RYR2: variants seen among roughly 807,000 people sequenced by gnomAD.
The protein encoded by RYR2 is cardiac muscle ryanodine receptor-calcium release channel.
RYR2 carries 227 observed loss-of-function variants against 601.1 expected under a neutral mutation model. That is an observed-to-expected ratio of 0.38 (90% confidence interval 0.34 to 0.42). The LOEUF (loss-of-function observed/expected upper bound fraction) is 0.42. RYR2 is among the 10% of genes least tolerant of loss of function. The pLI is 1.00. For missense variants in RYR2, 4,646 were observed against 6,156.5 expected (o/e 0.75, Z 8.21); for synonymous variants, 2,223 against 2,175.1 (o/e 1.02, Z -0.61).
intron 3 of RYR2, among the ~76,000 whole-genome samples, chr1:237,338,122 T>C (rs2543037): frequency 1.3e-5 from 2 of 151,912 alleles, no homozygotes; most frequent in Admixed American, 1.3e-4. Context: ...ATGGTTCCGG[T>C]GTGCCATTAT....
intron 17 of RYR2, among the ~76,000 whole-genome samples, chr1:237,473,820 A>T (rs1358487356): frequency 6.6e-6 from 1 of 152,120 alleles, no homozygotes; most frequent in Non-Finnish European, 1.5e-5. Flanking sequence ...GTAGGACTCA[A>T]CCGACGGAGA....
At chr1:237,445,298 TTCTA>T in intron 13 of RYR2, 99 bp from the exon 14 acceptor site, 1 of 1,447,308 alleles carries the variant, frequency 6.9e-7, no homozygotes, top group South Asian at 1.3e-5. Flanking sequence ...TGCCTTTTGA[TTCTA>T]TCTGTTGTTA....
chr1:237,550,719 C>T lies in RYR2; in HGVS notation c.3214+28C>T, dbSNP rs771464151. The stretch of plus-strand genomic sequence containing the variant: ...ATTTTGGTTTTACTTTCCTCTTCTT[C>T]GGTTGCAAGATGATGTAGTAGTTCT... On this transcript the variant is annotated intron_variant, in intron 27 of 104. Coordinates refer to ENST00000366574, the MANE Select transcript of RYR2 (RefSeq NM_001035.3). 21 of 1,532,938 alleles carry T rather than the reference C, an allele frequency of 1.4e-5. No individual in the cohort carries two copies. In the Admixed American group the frequency reaches 2.3e-4, roughly 17 times the overall value. 95.0% of individuals were successfully genotyped at this position (1,532,938 alleles called of 1,614,324 possible).
chr1:237,320,699 A>C (rs1332532673), intron 2 of RYR2, among the ~76,000 whole-genome samples: 1 of 152,176 alleles, frequency 6.6e-6, no homozygotes, highest in Non-Finnish European at 1.5e-5. Flanking sequence ...TGTATCTCCT[A>C]TGGAAGTGGT....
intron 101 of RYR2, among the ~76,000 whole-genome samples, chr1:237,826,588 A>G (rs576523206): frequency 1.1e-4 from 17 of 152,268 alleles, no homozygotes; most frequent in African/African-American, 4.1e-4. Context: ...GCACGTGTAT[A>G]CCTGTGTAAC....
intron 16 of RYR2, among the ~76,000 whole-genome samples, chr1:237,459,206 A>T (rs1659187703): frequency 6.6e-6 from 1 of 152,232 alleles, no homozygotes; most frequent in Non-Finnish European, 1.5e-5. Flanking sequence ...TTGGTATAAG[A>T]TGAATTTCTT....
At chr1:237,718,388 TG>T in intron 72 of RYR2, 73 bp from the exon 73 acceptor site, 1 of 743,980 alleles carries the variant, frequency 1.3e-6, no homozygotes, top group East Asian at 2.6e-5. Context: ...AAAAAAGGTT[TG>T]GATTGTTTCT....
intron 1 of RYR2, among the ~76,000 whole-genome samples, chr1:237,099,843 A>AT (rs34625802): frequency 0.85 from 129,307 of 152,002 alleles, 56,494 homozygotes; most frequent in Non-Finnish European, 0.95. Context: ...GGTAGGCACT[A>AT]TTTTTTTTCA....
intron 100 of RYR2, among the ~76,000 whole-genome samples, chr1:237,818,284 G>T (rs1662061785): frequency 6.6e-6 from 1 of 152,150 alleles, no homozygotes; most frequent in Non-Finnish European, 1.5e-5. Flanking sequence ...TATCTAAGGG[G>T]TAGAGATCAA....
chr1:237,759,860 C>T lies in RYR2; in HGVS notation c.11402+8C>T. ...CCTGATGCAGTCATGTAGGTAAGGA[C>T]TCACTTCCTTCTTGGGGGTTCTACT... On this transcript the variant is annotated splice_region_variant and intron_variant, in intron 83 of 104. Coordinates refer to ENST00000366574, the MANE Select transcript of RYR2 (RefSeq NM_001035.3). 1 of 1,586,868 alleles carries T rather than the reference C, an allele frequency of 6.3e-7. No homozygotes were observed. The highest frequency in any genetic ancestry group is 8.6e-7 in the Non-Finnish European group (1 of 1,159,636).
chr1:237,123,430 A>T (rs1296102741), intron 1 of RYR2, among the ~76,000 whole-genome samples: 1 of 151,982 alleles, frequency 6.6e-6, no homozygotes, highest in Non-Finnish European at 1.5e-5. Flanking sequence ...CTACAAAAAA[A>T]TAGGAAAATT....
chr1:237,055,417 G>C (rs1661866339), intron 1 of RYR2, among the ~76,000 whole-genome samples: 1 of 152,174 alleles, frequency 6.6e-6, no homozygotes, highest in African/African-American at 2.4e-5. Context: ...ATCAGAGCGG[G>C]ACCGGAGCTG....
chr1:237,621,420 A>T (rs2148634649), intron 38 of RYR2, among the ~76,000 whole-genome samples: 1 of 152,278 alleles, frequency 6.6e-6, no homozygotes, highest in South Asian at 2.1e-4. Context: ...AATAACAGAA[A>T]GTAATGAAAC....
At chr1:237,612,271 A>C (rs1677961587) in intron 36 of RYR2, among the ~76,000 whole-genome samples, 1 of 152,176 alleles carries the variant, frequency 6.6e-6, no homozygotes, top group African/African-American at 2.4e-5. Flanking sequence ...GTAGTTACCT[A>C]GGGCTAGGAG....
intron 56 of RYR2, among the ~76,000 whole-genome samples, chr1:237,664,455 C>T (rs867765443): frequency 5.3e-5 from 8 of 152,208 alleles, no homozygotes; most frequent in Non-Finnish European, 8.8e-5. Context: ...CACAGTTCCA[C>T]GTGGCTGCGG....
intron 63 of RYR2, among the ~76,000 whole-genome samples, chr1:237,692,324 C>T (rs2148990738): frequency 6.6e-6 from 1 of 152,294 alleles, no homozygotes; most frequent in East Asian, 1.9e-4. Flanking sequence ...ACATCTTTCG[C>T]TTGTACTATT....
chr1:237,467,181 AT>A (rs1660175950), intron 16 of RYR2, among the ~76,000 whole-genome samples: 1 of 147,920 alleles, frequency 6.8e-6, no homozygotes, highest in Non-Finnish European at 1.5e-5. Flanking sequence ...AATGATATAT[AT>A]TATATATATA....
Position 237,469,083 on chromosome 1 carries a change from C to T in RYR2, c.1613-9C>T, listed in dbSNP as rs757051500. 3.7e-6 allele frequency: 6 copies of T among 1,610,988 alleles called. No homozygotes were observed. Among genetic ancestry groups the T allele is most frequent in the African/African-American group, 1.3e-5 (1 of 74,790 alleles). On this transcript the variant is annotated splice_polypyrimidine_tract_variant and intron_variant, in intron 16 of 104. Coordinates refer to ENST00000366574, the MANE Select transcript of RYR2 (RefSeq NM_001035.3). The stretch of plus-strand genomic sequence containing the variant: ...CACATAAAGGTGAAATCTATTTCTT[C>T]TTTTGCAGCGGCTCTAATTAGAGGA...
intron 17 of RYR2, among the ~76,000 whole-genome samples, chr1:237,491,503 GGC>G (rs1466677696): frequency 6.6e-6 from 1 of 152,132 alleles, no homozygotes; most frequent in Non-Finnish European, 1.5e-5. Flanking sequence ...TATTCTTTAA[GGC>G]CCCACCTCTG....
Sources: gnomAD v4.1 joint callset for allele counts (sites outside exome capture counted in the v4.1 genomes callset) on GRCh38, gnomAD v4.1.1 for gene constraint, MANE v1.5 for transcripts, NCBI Gene and HGNC (gene_info 2026-07-23, HGNC 2026-07-21) for gene names.